The following CD58 variants were observed in gnomAD, a reference collection of about 807,000 sequenced individuals.
CD58 encodes CD58 molecule, also known as lymphocyte function-associated antigen 3.
In CD58, 14 loss-of-function variants were observed where a neutral mutation model predicts 27.6. The observed-to-expected ratio is 0.51, with a 90% CI of 0.34 to 0.79. The LOEUF is 0.79. CD58 is among the 30% of genes least tolerant of loss of function. The pLI is 0.02. For missense variants in CD58, 268 were observed against 301.7 expected (o/e 0.89, Z 0.83); for synonymous variants, 117 against 103.8 (o/e 1.13, Z -0.77).
rs55971473 is a variant in CD58 at position 116,519,156 on chromosome 1, C to T, written c.743+75G>A. On this transcript the variant is annotated intron_variant, in intron 5 of 5. Coordinates refer to ENST00000369489, the MANE Select transcript of CD58 (RefSeq NM_001779.3). The surrounding 1 kb of genome is among the most constrained non-coding windows in gnomAD (Gnocchi z 4.7). ...CAACCAACAGATGAGTACAATCTGGCTTCCCAAGTAATGGGCATCTACAGC... is the reference window on the plus strand; with the variant it reads ...CAACCAACAGATGAGTACAATCTGGTTTCCCAAGTAATGGGCATCTACAGC... 19,874 of 1,596,472 alleles carry T rather than the reference C, an allele frequency of 0.012. 160 individuals carry two copies. The highest frequency in any genetic ancestry group is 0.015 in the Non-Finnish European group (17,686 of 1,169,408).
rs943295952 is a variant in CD58, at chr1:116,552,990, T to A, written c.71-8386A>T. On this transcript the variant is annotated intron_variant, in intron 1 of 5. Transcript: ENST00000369489. The surrounding 1 kb of genome is among the most constrained non-coding windows in gnomAD (Gnocchi z 4.5). ...CCCTTTCCTTGGACTCCTGACAGCA[T>A]TAGGTAATTTTTTTTTTATGTTTAA... Among the ~76,000 whole-genome samples the A allele has an allele frequency of 6.6e-6, 1 of 152,160 alleles. No homozygotes were observed. Among genetic ancestry groups the A allele is most frequent in the African/African-American group, 2.4e-5 (1 of 41,430 alleles).
chr1:116,548,660 A>C (rs1374711719), intron 1 of CD58, among the ~76,000 whole-genome samples: 1 of 152,196 alleles, frequency 6.6e-6, no homozygotes, highest in Non-Finnish European at 1.5e-5. Flanking sequence ...TTTGGGAGTC[A>C]AGAGTTATAC....
At chr1:116,555,631 A>AT (rs1221343868) in intron 1 of CD58, among the ~76,000 whole-genome samples, 1 of 152,234 alleles carries the variant, frequency 6.6e-6, no homozygotes, top group African/African-American at 2.4e-5. Context: ...GAGTGATCAC[A>AT]TATCTAAAAA....
At position 116,563,586 on chromosome 1, in the gene CD58, T is replaced by C. The variant is rs188747823; in HGVS notation, c.70+7317A>G. Among the ~76,000 whole-genome samples the C allele has an allele frequency of 5.9e-5, 9 of 152,298 alleles. No homozygotes were observed. The highest frequency in any genetic ancestry group is 3.4e-3 in the Middle Eastern group (1 of 294). ...AAATCTAGGCAGAGGTTCTCAAACC[T>C]CAATTCTTGACTTCTGTGCATCCAC... On this transcript the variant is annotated intron_variant, in intron 1 of 5. Coordinates refer to ENST00000369489, the MANE Select transcript of CD58 (RefSeq NM_001779.3). The surrounding 1 kb of genome is among the most constrained non-coding windows in gnomAD (Gnocchi z 4.1).
In CD58 at chr1:116,563,724, T is replaced by A. The variant is rs1443190736; in HGVS notation, c.70+7179A>T. On this transcript the variant is annotated intron_variant, in intron 1 of 5. Coordinates refer to ENST00000369489, the MANE Select transcript of CD58 (RefSeq NM_001779.3). The surrounding 1 kb of genome is among the most constrained non-coding windows in gnomAD (Gnocchi z 4.1). ...AGCTAAAACAGCTGGCATGCAGGGC[T>A]CCATGTTTGGAGGCTGCAAAGAGCA... Among the ~76,000 whole-genome samples the A allele has an allele frequency of 6.6e-6, 1 of 152,180 alleles. No homozygotes were observed. Among genetic ancestry groups the A allele is most frequent in the Admixed American group, 6.5e-5 (1 of 15,276 alleles).
At chr1:116,567,639 A>G (rs1185453603) in intron 1 of CD58, among the ~76,000 whole-genome samples, 1 of 152,170 alleles carries the variant, frequency 6.6e-6, no homozygotes, top group African/African-American at 2.4e-5. Flanking sequence ...CCCTGTCTCA[A>G]AAAATAAAAT....
chr1:116,565,275 C>T (rs947163825), intron 1 of CD58, among the ~76,000 whole-genome samples: 7 of 152,212 alleles, frequency 4.6e-5, no homozygotes, highest in Non-Finnish European at 8.8e-5. Flanking sequence ...GGATCCAACC[C>T]TGACTACTTT....
In CD58 at chr1:116,552,460, G is replaced by C. The variant is rs1273087425; in HGVS notation, c.71-7856C>G. On this transcript the variant is annotated intron_variant, in intron 1 of 5. Transcript: ENST00000369489. This position sits in a 1 kb window ranked among gnomAD's most constrained non-coding sequence, Gnocchi z 4.5. ...CATAAAGTTAGGCACTGATGGACTT[G>C]CTTAAAGCTGGGTTGTCACGAACCT... is the stretch of plus-strand genomic sequence containing the variant. 6.6e-6 allele frequency among the ~76,000 whole-genome samples: 1 copy of C among 152,216 alleles called. No individual in the cohort carries two copies. Among genetic ancestry groups the C allele is most frequent in the Non-Finnish European group, 1.5e-5 (1 of 68,032 alleles).
chr1:116,539,452 C>T (rs148739880), intron 2 of CD58, among the ~76,000 whole-genome samples: 1 of 152,066 alleles, frequency 6.6e-6, no homozygotes, highest in African/African-American at 2.4e-5. Context: ...AATGCTGTAT[C>T]AGGTCACTGT....
chr1:116,569,598 C>CTTTTTTTTTTCTTTTTTTTT (rs1659052657), intron 1 of CD58, among the ~76,000 whole-genome samples: 1 of 110,954 alleles, frequency 9.0e-6, no homozygotes. Flanking sequence ...CACAGCTCAC[C>CTTTTTTTTTTCTTTTTTTTT]TTTTTTTTTT....
At chr1:116,547,353 G>T (rs564250075) in intron 1 of CD58, among the ~76,000 whole-genome samples, 9 of 147,636 alleles carry the variant, frequency 6.1e-5, no homozygotes, top group African/African-American at 2.3e-4. Flanking sequence ...TTGAGACAGA[G>T]TCTCGCTCTG....
At position 116,518,705 on chromosome 1, in the gene CD58, C is replaced by T. The variant is rs547398985; in HGVS notation, c.743+526G>A. 7.8e-5 allele frequency: 77 copies of T among 989,478 alleles called. 1 individual carries two copies. The South Asian group carries it at 2.2e-3, about 28-fold the overall frequency. The allele number at this position is 989,478 out of a possible 1,614,324, so 61.3% of individuals were successfully genotyped here. A position where few individuals can be genotyped will look rare whatever the true frequency, so the allele number is the denominator to read the frequency against. On this transcript the variant is annotated intron_variant, in intron 5 of 5. Transcript: ENST00000369489. Reference sequence around the variant, plus strand: ...GGGGGCCTCTTGGAGCACCCTACGGCGGTTTATTAAACCAACACTGCTGCT... The same window carrying T: ...GGGGGCCTCTTGGAGCACCCTACGGTGGTTTATTAAACCAACACTGCTGCT...
intron 1 of CD58, among the ~76,000 whole-genome samples, chr1:116,569,469 G>T (rs1324266431): frequency 6.6e-6 from 1 of 152,060 alleles, no homozygotes; most frequent in African/African-American, 2.4e-5. Context: ...ATTATCACAT[G>T]TCCACACATC....
rs1657093133 is a variant in CD58, at chr1:116,516,750, C to T, written c.744-1928G>A. Among the ~76,000 whole-genome samples the T allele has an allele frequency of 6.6e-6, 1 of 152,204 alleles. No individual in the cohort carries two copies. The highest frequency in any genetic ancestry group is 2.1e-4 in the South Asian group (1 of 4,830). On this transcript the variant is annotated intron_variant, in intron 5 of 5. Coordinates refer to ENST00000369489, the MANE Select transcript of CD58 (RefSeq NM_001779.3). This position sits in a 1 kb window ranked among gnomAD's most constrained non-coding sequence, Gnocchi z 6.1. ...CTCTCCAATTCCTCTGCGTTGGTTG[C>T]TCAGCCCTTACCCTCATATCACACA...
At chr1:116,568,004 C>T (rs963065410) in intron 1 of CD58, among the ~76,000 whole-genome samples, 2 of 135,946 alleles carry the variant, frequency 1.5e-5, no homozygotes, top group African/African-American at 5.7e-5. Context: ...AAGGGACATT[C>T]GGTAAAGCAA....
chr1:116,529,766 T>C (rs534977577), intron 3 of CD58, among the ~76,000 whole-genome samples: 1 of 152,282 alleles, frequency 6.6e-6, no homozygotes, highest in African/African-American at 2.4e-5. Flanking sequence ...ACAATACGAG[T>C]TGGACAAGAA....
At position 116,552,036 on chromosome 1, in the gene CD58, G is replaced by A. The variant is rs1351756243; in HGVS notation, c.71-7432C>T. On this transcript the variant is annotated intron_variant, in intron 1 of 5. Coordinates refer to ENST00000369489, the MANE Select transcript of CD58 (RefSeq NM_001779.3). This position sits in a 1 kb window ranked among gnomAD's most constrained non-coding sequence, Gnocchi z 4.5. ...ATTACAGTTGTGAGCCACCACGCCC[G>A]GCCACCTGTCATGGCTTTTCACATG... Among the ~76,000 whole-genome samples, 2 of 152,120 alleles carry A rather than the reference G, an allele frequency of 1.3e-5. No homozygotes were observed. Among genetic ancestry groups the A allele is most frequent in the Non-Finnish European group, 2.9e-5 (2 of 68,024 alleles).
Position 116,538,583 on chromosome 1 carries a change from G to A in CD58, c.365-2355C>T, listed in dbSNP as rs1197979330. On this transcript the variant is annotated intron_variant, in intron 2 of 5. Transcript: ENST00000369489. This position sits in a 1 kb window ranked among gnomAD's most constrained non-coding sequence, Gnocchi z 4.7. ...GTGCTTGTTAAAAATACAGATTCCT[G>A]AGCCCCACCATCCCAGGTGCTTCTG... Among the ~76,000 whole-genome samples, 1 of 152,120 alleles carries A rather than the reference G, an allele frequency of 6.6e-6. No individual in the cohort carries two copies. The highest frequency in any genetic ancestry group is 2.4e-5 in the African/African-American group (1 of 41,410).
rs1377407640 is a variant in CD58, at chr1:116,522,346, C to T, written c.629-363G>A. On this transcript the variant is annotated intron_variant, in intron 3 of 5. Transcript: ENST00000369489. This position sits in a 1 kb window ranked among gnomAD's most constrained non-coding sequence, Gnocchi z 4.6. ...CCAAAGTATAGTGTTGAAGGGCTGA[C>T]AAGAGTTCCTAAGTGCAAGAAGGCT... is the stretch of plus-strand genomic sequence containing the variant. Among the ~76,000 whole-genome samples, 2 of 152,128 alleles carry T rather than the reference C, an allele frequency of 1.3e-5. No individual in the cohort carries two copies. Among genetic ancestry groups the T allele is most frequent in the Non-Finnish European group, 2.9e-5 (2 of 68,034 alleles).
Sources: allele counts gnomAD v4.1 joint callset (sites outside exome capture counted in the v4.1 genomes callset), GRCh38; gene constraint gnomAD v4.1.1; non-coding constraint Gnocchi (gnomAD v3.1); transcripts MANE v1.5; gene names NCBI Gene and HGNC (gene_info 2026-07-23, HGNC 2026-07-21).